The following SPATC1L variants were observed in gnomAD, a reference collection of about 807,000 sequenced individuals.
SPATC1L encodes the protein speriolin-like protein.
SPATC1L carries 20 observed loss-of-function variants against 21.2 expected under a neutral mutation model. The observed-to-expected ratio is 0.94, with a 90% CI of 0.66 to 1.37. SPATC1L has a LOEUF of 1.37. Among genes scored for constraint, SPATC1L ranks in the 40% most tolerant of loss-of-function variants. SPATC1L has a pLI of 0.00. For missense variants in SPATC1L, 499 were observed against 478.7 expected (o/e 1.04, Z -0.40); for synonymous variants, 290 against 234.5 (o/e 1.24, Z -2.16).
At position 46,161,598 on chromosome 21, in the gene SPATC1L, G is replaced by A. The variant is rs1164046323; in HGVS notation, c.804C>T (p.Arg268=). Residue 268 remains arginine (R), a synonymous_variant, in exon 5 of 5, where the codon CGC becomes CGT. Coordinates refer to ENST00000291672, the MANE Select transcript of SPATC1L (RefSeq NM_001142854.2). The part of the protein sequence containing the change: ...SARLEKLGYS[R]DVHPAFSEFL... ...ACTCGCTGAACGCCGGGTGCACGTC[G>A]CGGCTGTAGCCCAGCTTCTCCAGGC... The A allele has an allele frequency of 3.1e-6, 5 of 1,610,288 alleles. No homozygotes were observed. Among genetic ancestry groups the A allele is most frequent in the South Asian group, 2.2e-5 (2 of 90,770 alleles).
At chr21:46,169,138 G>T (rs1190108652) in intron 2 of SPATC1L, among the ~76,000 whole-genome samples, 2 of 152,260 alleles carry the variant, frequency 1.3e-5, no homozygotes, top group African/African-American at 4.8e-5. Context: ...CACACATACA[G>T]ACACACACAC....
chr21:46,168,328 C>G lies in SPATC1L; in HGVS notation c.524G>C (p.Arg175Thr). The G allele has an allele frequency of 1.9e-6, 3 of 1,592,030 alleles. No homozygotes were observed. The highest frequency in any genetic ancestry group is 2.6e-6 in the Non-Finnish European group (3 of 1,163,002). ...CATACCATTGAGGTAGTAGCTCCTC[C>G]TGGTCCTGTCCCCGGTGGGCAGGCT... ...ESSLPTGDRT[R>T]RSYYLNEIQS... The change falls in exon 3 of 5, where the codon AGG becomes ACG. Residue 175 changes from arginine to threonine, a missense_variant. Coordinates refer to ENST00000291672, the MANE Select transcript of SPATC1L (RefSeq NM_001142854.2).
intron 2 of SPATC1L, among the ~76,000 whole-genome samples, chr21:46,178,960 G>A (rs1041628084): frequency 6.6e-6 from 1 of 151,816 alleles, no homozygotes; most frequent in African/African-American, 2.4e-5. Flanking sequence ...AATAAATCCA[G>A]CTGGACAGTG....
At chr21:46,168,285 G>T in intron 3 of SPATC1L, 23 bp downstream of exon 3, 1 of 1,525,266 alleles carries the variant, frequency 6.6e-7, no homozygotes, top group South Asian at 1.2e-5. Context: ...GGCCCCCCCA[G>T]GTGCCCCCGC....
At chr21:46,164,794 G>GGAAAAAAAAA (rs1555886862) in intron 3 of SPATC1L, among the ~76,000 whole-genome samples, 1 of 86,476 alleles carries the variant, frequency 1.2e-5, no homozygotes, top group Admixed American at 1.4e-4. Context: ...TCCATCTCAA[G>GGAAAAAAAAA]AAAAAAAAAA....
In SPATC1L at chr21:46,168,505, G is replaced by A. The variant is rs765041623; in HGVS notation, c.347C>T (p.Ala116Val). The change falls in exon 3 of 5, where the codon GCC becomes GTC. Residue 116 changes from alanine to valine, a missense_variant. Coordinates refer to ENST00000291672, the MANE Select transcript of SPATC1L (RefSeq NM_001142854.2). ...ATGTGGCTCTGGGGGACTGAGGAAG[G>A]CCTTGAAGGGTGCCTGGGAGGGGGC... ...CAAPSQAPFK[A>V]FLSPPEPHSH... is the part of the protein sequence containing the mutation. The A allele has an allele frequency of 1.0e-5, 16 of 1,551,960 alleles. No homozygotes were observed. The highest frequency in any genetic ancestry group is 1.4e-5 in the Non-Finnish European group (16 of 1,145,974).
chr21:46,179,147 T>C (rs1256403166), intron 2 of SPATC1L, among the ~76,000 whole-genome samples: 2 of 150,452 alleles, frequency 1.3e-5, no homozygotes, highest in Non-Finnish European at 3.0e-5. Flanking sequence ...CTCAGGAGGC[T>C]GAGGTAGGAG....
chr21:46,173,780 T>G (rs2079609866), intron 2 of SPATC1L, among the ~76,000 whole-genome samples: 1 of 152,076 alleles, frequency 6.6e-6, no homozygotes, highest in South Asian at 2.1e-4. Context: ...CCTCCACCAC[T>G]GTGGTGAACC....
chr21:46,178,793 A>G (rs533050120), intron 2 of SPATC1L, among the ~76,000 whole-genome samples: 1 of 152,322 alleles, frequency 6.6e-6, no homozygotes, highest in East Asian at 1.9e-4. Flanking sequence ...AGGGCAAGGC[A>G]GGAGAATCGC....
intron 2 of SPATC1L, among the ~76,000 whole-genome samples, chr21:46,170,901 GATGGGGAGGAGCC>G: frequency 6.7e-6 from 1 of 149,558 alleles, no homozygotes; most frequent in African/African-American, 2.5e-5. Context: ...ATCCTCTGTG[GATGGGGAGGAGCC>G]TCCTGCTCTG....
intron 1 of SPATC1L, 65 bp downstream of exon 1, chr21:46,184,291 G>A (rs1355980855): frequency 6.5e-6 from 1 of 154,070 alleles, no homozygotes; most frequent in Non-Finnish European, 1.5e-5. Context: ...TCTGTCCTCA[G>A]TCAGTGCGAC....
At chr21:46,179,678 C>A (rs1323809381) in intron 2 of SPATC1L, among the ~76,000 whole-genome samples, 1 of 152,218 alleles carries the variant, frequency 6.6e-6, no homozygotes, top group Non-Finnish European at 1.5e-5. Flanking sequence ...CAATCCACCA[C>A]CAACAACTAG....
At chr21:46,162,092 A>T in intron 3 of SPATC1L, 25 bp from the exon 4 acceptor site, 1 of 1,545,032 alleles carries the variant, frequency 6.5e-7, no homozygotes, top group Non-Finnish European at 8.7e-7. Flanking sequence ...GCCGGGGACA[A>T]GGTCAGGGGA....
In SPATC1L at chr21:46,183,416, G is replaced by GA; in HGVS notation, c.-601_-600insT. The GA allele has an allele frequency of 5.5e-6, 1 of 180,612 alleles. No homozygotes were observed. Among genetic ancestry groups the GA allele is most frequent in the Non-Finnish European group, 1.2e-5 (1 of 84,002 alleles). The allele number at this position is 180,612 out of a possible 1,614,324, so 11.2% of individuals were successfully genotyped here. ...GCAGTGGGAGGAGACCAGCATGTGG[G>GA]GGAGACCAGCCTGGTGGGGAGACCA... On this transcript the variant is annotated 5_prime_UTR_variant, in exon 2 of 5. Coordinates refer to ENST00000291672, the MANE Select transcript of SPATC1L (RefSeq NM_001142854.2).
At chr21:46,172,452 A>G (rs193049460) in intron 2 of SPATC1L, among the ~76,000 whole-genome samples, 42 of 152,348 alleles carry the variant, frequency 2.8e-4, no homozygotes, top group Non-Finnish European at 5.4e-4. Context: ...GCCATTTCTC[A>G]AATTTTCTGT....
At position 46,168,474 on chromosome 21, in the gene SPATC1L, G is replaced by A. The variant is rs1351232777; in HGVS notation, c.378C>T (p.His126=). The A allele has an allele frequency of 5.1e-6, 8 of 1,577,582 alleles. No individual in the cohort carries two copies. The African/African-American group carries it at 8.1e-5, about 16-fold the overall frequency. The change falls in exon 3 of 5, where the codon CAC becomes CAT. Residue 126 remains histidine (H), a synonymous_variant. Coordinates refer to ENST00000291672, the MANE Select transcript of SPATC1L (RefSeq NM_001142854.2). ...AFLSPPEPHS[H]RGTDRKLSPL... Reference sequence around the variant, plus strand: ...GGGACAGCTTCCTGTCGGTGCCTCGGTGGCTATGTGGCTCTGGGGGACTGA... The same window carrying A: ...GGGACAGCTTCCTGTCGGTGCCTCGATGGCTATGTGGCTCTGGGGGACTGA...
At position 46,162,023 on chromosome 21, in the gene SPATC1L, C is replaced by A; in HGVS notation, c.589G>T (p.Gly197Cys). Residue 197 changes from glycine to cysteine, a missense_variant, in exon 4 of 5, where the codon GGC becomes TGC. Transcript: ENST00000291672. ...AGAEKDARVV[G>C]EIAFQLDRRI... ...CGGTCCAGCTGGAAGGCGATCTCGCCCACCACGCGCGCGTCCTTCTCGGCG... is the reference window on the plus strand; with the variant it reads ...CGGTCCAGCTGGAAGGCGATCTCGCACACCACGCGCGCGTCCTTCTCGGCG... 1.9e-6 allele frequency: 3 copies of A among 1,595,688 alleles called. No homozygotes were observed. Among genetic ancestry groups the A allele is most frequent in the Non-Finnish European group, 1.7e-6 (2 of 1,173,528 alleles).
rs113633185 is a variant in SPATC1L at position 46,172,430 on chromosome 21, C to T, written c.194-3772G>A. On this transcript the variant is annotated intron_variant, in intron 2 of 4. Coordinates refer to ENST00000291672, the MANE Select transcript of SPATC1L (RefSeq NM_001142854.2). Reference sequence around the variant, plus strand: ...GGTACAGAGATAGGCTCACAAACACCGAACAAGATGAGCCATTTCTCAAAT... The same window carrying T: ...GGTACAGAGATAGGCTCACAAACACTGAACAAGATGAGCCATTTCTCAAAT... Among the ~76,000 whole-genome samples the T allele has an allele frequency of 3.2e-3, 490 of 152,292 alleles. 32 individuals carry two copies. In the South Asian group the frequency reaches 0.088, roughly 27 times the overall value.
chr21:46,173,473 C>T (rs1309816833), intron 2 of SPATC1L, among the ~76,000 whole-genome samples: 2 of 152,042 alleles, frequency 1.3e-5, no homozygotes, highest in Non-Finnish European at 2.9e-5. Flanking sequence ...TTCCTTCCCC[C>T]ACCAGCATGC....
Sources: allele counts gnomAD v4.1 joint callset (sites outside exome capture counted in the v4.1 genomes callset), GRCh38; gene constraint gnomAD v4.1.1; transcripts MANE v1.5; gene names NCBI Gene and HGNC (gene_info 2026-07-23, HGNC 2026-07-21).